GPC6: variants seen among roughly 807,000 people sequenced by gnomAD.
GPC6 encodes the protein glypican 6.
In GPC6, 14 loss-of-function variants were observed where a neutral mutation model predicts 55.2. The observed-to-expected ratio is 0.25, with a 90% CI of 0.17 to 0.40. GPC6 has a LOEUF of 0.40. GPC6 is among the 10% of genes least tolerant of loss of function. The pLI, the probability that GPC6 is intolerant of heterozygous loss-of-function variation, is 1.00. For synonymous variants in GPC6, 278 were observed against 259.6 expected (o/e 1.07, Z -0.68); for missense variants, 641 against 708.5 (o/e 0.90, Z 1.08).
intron 1 of GPC6, among the ~76,000 whole-genome samples, chr13:93,344,430 C>G: frequency 6.6e-6 from 1 of 152,144 alleles, no homozygotes; most frequent in East Asian, 1.9e-4. Flanking sequence ...TCTTCCTTAT[C>G]TCTCTTGAGG....
chr13:94,184,991 G>A (rs1182669376), intron 4 of GPC6, among the ~76,000 whole-genome samples: 2 of 152,106 alleles, frequency 1.3e-5, no homozygotes, highest in African/African-American at 4.8e-5. Flanking sequence ...GTCCTTTGCA[G>A]CAACACAGAT....
At chr13:93,673,882 A>T (rs1450406038) in intron 2 of GPC6, among the ~76,000 whole-genome samples, 1 of 152,146 alleles carries the variant, frequency 6.6e-6, no homozygotes, top group Non-Finnish European at 1.5e-5. Flanking sequence ...TACATCATGG[A>T]CTGGGCAATA....
At chr13:93,979,529 C>G (rs980729081) in intron 3 of GPC6, among the ~76,000 whole-genome samples, 1 of 151,446 alleles carries the variant, frequency 6.6e-6, no homozygotes, top group African/African-American at 2.4e-5. Context: ...TCAGACCATG[C>G]AAGGAATTGT....
intron 1 of GPC6, among the ~76,000 whole-genome samples, chr13:93,400,151 CTT>C (rs1876014698): frequency 6.6e-6 from 1 of 152,130 alleles, no homozygotes. Flanking sequence ...ACTGCAATCT[CTT>C]AGAGATTTGG....
At chr13:94,311,002 T>C (rs1876215672) in intron 6 of GPC6, among the ~76,000 whole-genome samples, 1 of 152,090 alleles carries the variant, frequency 6.6e-6, no homozygotes, top group Non-Finnish European at 1.5e-5. Context: ...GATTAAAAAA[T>C]AGGTTGTTTG....
At chr13:93,243,400 T>A (rs1447556994) in intron 1 of GPC6, among the ~76,000 whole-genome samples, 1 of 152,200 alleles carries the variant, frequency 6.6e-6, no homozygotes, top group African/African-American at 2.4e-5. Context: ...TGTTCACCCA[T>A]GTCTCTAGTC....
intron 4 of GPC6, among the ~76,000 whole-genome samples, chr13:94,054,541 C>T (rs1884066143): frequency 6.6e-6 from 1 of 152,138 alleles, no homozygotes; most frequent in Non-Finnish European, 1.5e-5. Context: ...TCCAAATAAT[C>T]CCACCTTTTG....
chr13:93,858,822 G>A lies in GPC6; in HGVS notation c.711+28277G>A, dbSNP rs182652945. ...AGGGAAGAATAGGAGGAGAGTCACT[G>A]TGGGCAGCAAATGTAAACAAGACTT... On this transcript the variant is annotated intron_variant, in intron 3 of 8. Coordinates refer to ENST00000377047, the MANE Select transcript of GPC6 (RefSeq NM_005708.5). 5.3e-5 allele frequency among the ~76,000 whole-genome samples: 8 copies of A among 151,588 alleles called. No individual in the cohort carries two copies. In the East Asian group the frequency reaches 1.6e-3, roughly 30 times the overall value.
At chr13:94,075,524 T>C (rs1884882230) in intron 4 of GPC6, among the ~76,000 whole-genome samples, 1 of 152,110 alleles carries the variant, frequency 6.6e-6, no homozygotes, top group Non-Finnish European at 1.5e-5. Flanking sequence ...CTGTTAATTA[T>C]AGGCGATATA....
At chr13:93,786,177 A>T (rs2138914555) in intron 2 of GPC6, among the ~76,000 whole-genome samples, 1 of 152,280 alleles carries the variant, frequency 6.6e-6, no homozygotes, top group South Asian at 2.1e-4. Context: ...AAGACTAGAA[A>T]AGAGCTAAAG....
At chr13:93,944,424 T>TA in intron 3 of GPC6, among the ~76,000 whole-genome samples, 2 of 152,204 alleles carry the variant, frequency 1.3e-5, no homozygotes, top group Admixed American at 1.3e-4. Context: ...CAGGATGGTC[T>TA]CGATCTCCTG....
intron 2 of GPC6, among the ~76,000 whole-genome samples, chr13:93,699,447 C>T (rs1882594030): frequency 6.6e-6 from 1 of 152,088 alleles, no homozygotes; most frequent in South Asian, 2.1e-4. Flanking sequence ...CACGCTTCTT[C>T]ATCCATGTGA....
rs1279491458 is a variant in GPC6, at chr13:93,710,464, A to G, written c.320-119690A>G. Among the ~76,000 whole-genome samples, 5 of 151,786 alleles carry G rather than the reference A, an allele frequency of 3.3e-5. No individual in the cohort carries two copies. In the East Asian group the frequency reaches 7.8e-4, roughly 24 times the overall value. On this transcript the variant is annotated intron_variant, in intron 2 of 8. Transcript: ENST00000377047. Reference sequence around the variant, plus strand: ...ATCTTGTGTAGTGAATCAGGCAGATATGATCCTTGTGATGTACACAGAAAC... The same window carrying G: ...ATCTTGTGTAGTGAATCAGGCAGATGTGATCCTTGTGATGTACACAGAAAC...
In GPC6 at chr13:94,398,486, A is replaced by C. The variant is rs758730574; in HGVS notation, c.1310A>C (p.Asn437Thr). ...SKARYLPEIMNDGLTNQINNP... is the reference protein window; with the variant it reads ...SKARYLPEIMTDGLTNQINNP... Reference sequence around the variant, plus strand: ...TGCAGATACTTGCCTGAGATCATGAATGATGGGCTCACCAACCAGATCAAC... The same window carrying C: ...TGCAGATACTTGCCTGAGATCATGACTGATGGGCTCACCAACCAGATCAAC... The change falls in exon 8 of 9, where the codon AAT becomes ACT. Residue 437 changes from asparagine to threonine, a missense_variant. Asn to Thr is a moderately conservative substitution (Grantham distance 65, BLOSUM62 0). Coordinates refer to ENST00000377047, the MANE Select transcript of GPC6 (RefSeq NM_005708.5). 1.1e-5 allele frequency: 17 copies of C among 1,613,484 alleles called. No homozygotes were observed. In the Admixed American group the frequency reaches 1.5e-4, roughly 14 times the overall value.
chr13:93,469,024 A>C (rs1351573557), intron 1 of GPC6, among the ~76,000 whole-genome samples: 1 of 152,138 alleles, frequency 6.6e-6, no homozygotes, highest in African/African-American at 2.4e-5. Flanking sequence ...CACCAGTGTA[A>C]TTAAGATCAT....
intron 3 of GPC6, among the ~76,000 whole-genome samples, chr13:93,920,511 A>G (rs933718204): frequency 6.6e-6 from 1 of 152,146 alleles, no homozygotes; most frequent in African/African-American, 2.4e-5. Flanking sequence ...TCAAAACTGA[A>G]CTCATTCTAT....
intron 1 of GPC6, among the ~76,000 whole-genome samples, chr13:93,365,263 C>G (rs1185087636): frequency 6.6e-6 from 1 of 152,052 alleles, no homozygotes; most frequent in Admixed American, 6.6e-5. Context: ...TTTTCAGCCT[C>G]TCTTCCTGGC....
At chr13:93,827,695 T>A (rs1887315469) in intron 2 of GPC6, among the ~76,000 whole-genome samples, 1 of 152,202 alleles carries the variant, frequency 6.6e-6, no homozygotes, top group African/African-American at 2.4e-5. Flanking sequence ...AATGTAAGCT[T>A]GGAATCTAAG....
intron 4 of GPC6, among the ~76,000 whole-genome samples, chr13:94,272,472 T>C (rs1276434570): frequency 7.4e-6 from 1 of 134,994 alleles, no homozygotes; most frequent in Non-Finnish European, 1.6e-5. Flanking sequence ...TCTTTTTTTT[T>C]TTTTTTTTTT....
Sources: allele counts gnomAD v4.1 joint callset (sites outside exome capture counted in the v4.1 genomes callset), GRCh38; gene constraint gnomAD v4.1.1; transcripts MANE v1.5; gene names NCBI Gene and HGNC (gene_info 2026-07-23, HGNC 2026-07-21).